The following ABTB3 variants were observed in gnomAD, a reference collection of about 807,000 sequenced individuals.
ABTB3 encodes ankyrin repeat- and BTB/POZ domain-containing protein 3.
the ABTB3 span, among the ~76,000 whole-genome samples, chr12:107,528,245 G>T: frequency 6.6e-6 from 1 of 152,074 alleles, no homozygotes; most frequent in Non-Finnish European, 1.5e-5. Flanking sequence ...GGGTGGCACT[G>T]GAAATGATAG....
chr12:107,327,019 G>A, the ABTB3 span, among the ~76,000 whole-genome samples: 1 of 152,224 alleles, frequency 6.6e-6, no homozygotes, highest in Non-Finnish European at 1.5e-5. Flanking sequence ...CACACCTGAA[G>A]TTGGTCGTGG....
chr12:107,534,890 C>T, the ABTB3 span, among the ~76,000 whole-genome samples: 3 of 152,080 alleles, frequency 2.0e-5, no homozygotes, highest in Non-Finnish European at 2.9e-5. Flanking sequence ...CAATTTTTCT[C>T]GAACTATTCC....
At chr12:107,510,388 A>G in the ABTB3 span, among the ~76,000 whole-genome samples, 1 of 151,996 alleles carries the variant, frequency 6.6e-6, no homozygotes, top group Non-Finnish European at 1.5e-5. Flanking sequence ...GCACAGCCTT[A>G]TACAATCATC....
At chr12:107,362,077 G>T in the ABTB3 span, among the ~76,000 whole-genome samples, 1 of 152,182 alleles carries the variant, frequency 6.6e-6, no homozygotes, top group Non-Finnish European at 1.5e-5. Flanking sequence ...CTGTGAAAAA[G>T]AAATGTTTGT....
At chr12:107,503,263 G>A in the ABTB3 span, among the ~76,000 whole-genome samples, 1 of 152,126 alleles carries the variant, frequency 6.6e-6, no homozygotes, top group Non-Finnish European at 1.5e-5. Context: ...TAGAGCAGTT[G>A]GATAGTGGCC....
At chr12:107,606,654 C>T in the ABTB3 span, among the ~76,000 whole-genome samples, 1 of 152,230 alleles carries the variant, frequency 6.6e-6, no homozygotes, top group African/African-American at 2.4e-5. Context: ...AAAGAAGAAA[C>T]TCCAATGGGT....
the ABTB3 span, among the ~76,000 whole-genome samples, chr12:107,351,719 C>T: frequency 3.9e-5 from 6 of 152,150 alleles, no homozygotes; most frequent in Non-Finnish European, 8.8e-5. Flanking sequence ...TGATCTTGGA[C>T]TTCCCAGCCT....
chr12:107,635,385 G>A, the ABTB3 span: 2 of 1,613,596 alleles, frequency 1.2e-6, no homozygotes, highest in South Asian at 1.1e-5. Flanking sequence ...CAGACCTCGC[G>A]CTTGGGTGAG....
chr12:107,652,945 C>A, the ABTB3 span, among the ~76,000 whole-genome samples: 1 of 152,084 alleles, frequency 6.6e-6, no homozygotes, highest in African/African-American at 2.4e-5. Context: ...GAGTTTCACT[C>A]TTGTTGCCCA....
the ABTB3 span, among the ~76,000 whole-genome samples, chr12:107,338,338 A>G: frequency 6.6e-6 from 1 of 152,164 alleles, no homozygotes; most frequent in African/African-American, 2.4e-5. Context: ...CGTCTTGTTA[A>G]TTATTTCTAT....
chr12:107,373,556 G>A, the ABTB3 span, among the ~76,000 whole-genome samples: 3 of 152,200 alleles, frequency 2.0e-5, no homozygotes, highest in African/African-American at 7.2e-5. Flanking sequence ...AGTAGTAGAT[G>A]CTTAATAAAT....
At chr12:107,487,175 C>T in the ABTB3 span, among the ~76,000 whole-genome samples, 1 of 152,160 alleles carries the variant, frequency 6.6e-6, no homozygotes, top group Non-Finnish European at 1.5e-5. Context: ...GAGAAGGGGT[C>T]ACCTTCTTGA....
At chr12:107,612,722 G>T in the ABTB3 span, 3 of 1,473,456 alleles carry the variant, frequency 2.0e-6, no homozygotes, top group East Asian at 2.4e-5. Flanking sequence ...TGTTATTGTC[G>T]ATTGACCACA....
chr12:107,537,990 G>T, the ABTB3 span, among the ~76,000 whole-genome samples: 122 of 152,238 alleles, frequency 8.0e-4, no homozygotes, highest in Non-Finnish European at 1.4e-3. Context: ...CCAAGGGCAC[G>T]ACTGGGAAGT....
the ABTB3 span, among the ~76,000 whole-genome samples, chr12:107,471,564 T>C: frequency 6.6e-6 from 1 of 152,174 alleles, no homozygotes; most frequent in African/African-American, 2.4e-5. Context: ...TTTCATTCTA[T>C]TTAATCCTTA....
At chr12:107,373,602 C>T in the ABTB3 span, among the ~76,000 whole-genome samples, 1 of 152,194 alleles carries the variant, frequency 6.6e-6, no homozygotes, top group Non-Finnish European at 1.5e-5. Context: ...CTTAACCTGA[C>T]CCCTGCTTGC....
the ABTB3 span, among the ~76,000 whole-genome samples, chr12:107,378,992 C>T: frequency 1.2e-3 from 177 of 152,274 alleles, no homozygotes; most frequent in East Asian, 0.01. Flanking sequence ...CAGCAGCAGG[C>T]AGTGTGGTGT....
chr12:107,482,360 G>C, the ABTB3 span, among the ~76,000 whole-genome samples: 1 of 152,186 alleles, frequency 6.6e-6, no homozygotes, highest in African/African-American at 2.4e-5. Flanking sequence ...CCAGGGCTAA[G>C]ACCTGAGACC....
the ABTB3 span, chr12:107,620,164 G>A: frequency 1.9e-6 from 3 of 1,613,848 alleles, no homozygotes; most frequent in Admixed American, 3.3e-5. Context: ...AAGCGAGCAA[G>A]GTATGTGGGG....
Sources: gnomAD v4.1 joint callset for allele counts (sites outside exome capture counted in the v4.1 genomes callset) on GRCh38, gnomAD v4.1.1 for gene constraint, MANE v1.5 for transcripts, NCBI Gene and HGNC (gene_info 2026-07-23, HGNC 2026-07-21) for gene names.